Variants in UBE2W observed in about 807,000 individuals in gnomAD.
The protein encoded by UBE2W is ubiquitin conjugating enzyme E2 W.
In UBE2W, 18 loss-of-function variants were observed where a neutral mutation model predicts 27.2. That is an observed-to-expected ratio of 0.66 (90% CI 0.46 to 0.98). UBE2W has a LOEUF of 0.98. UBE2W is among the 50% of genes least tolerant of loss of function. The probability of loss-of-function intolerance (pLI) is 0.00; values close to 1 mark genes in which losing one functional copy is unlikely to be tolerated. For missense variants in UBE2W, 90 were observed against 180.2 expected (o/e 0.50, Z 2.87); for synonymous variants, 53 against 57.2 (o/e 0.93, Z 0.33).
In UBE2W at chr8:73,793,168, A is replaced by G; in HGVS notation, c.*934T>C. On this transcript the variant is annotated 3_prime_UTR_variant, in exon 6 of 6. Coordinates refer to ENST00000602593, the MANE Select transcript of UBE2W (RefSeq NM_018299.6). ...GGGGTTTCCAAACATAAATAAATGA[A>G]ATAGTGTTTAGGCAGTAGGGCTCAT... 3.0e-6 allele frequency: 3 copies of G among 985,846 alleles called. No individual in the cohort carries two copies. The South Asian group carries it at 1.4e-4, about 46-fold the overall frequency. The allele number at this position is 985,846 out of a possible 1,614,324, so 61.1% of individuals were successfully genotyped here. A position where few individuals can be genotyped will look rare whatever the true frequency, so the allele number is the denominator to read the frequency against.
intron 1 of UBE2W, among the ~76,000 whole-genome samples, chr8:73,850,114 T>C (rs1307878724): frequency 6.6e-6 from 1 of 151,992 alleles, no homozygotes; most frequent in Non-Finnish European, 1.5e-5. Flanking sequence ...ATTGAGAAAG[T>C]CAAAAGTTAA....
intron 3 of UBE2W, among the ~76,000 whole-genome samples, chr8:73,817,674 T>A (rs888287427): frequency 6.6e-6 from 1 of 152,140 alleles, no homozygotes. Context: ...CACACCACCA[T>A]GCCCAGCTAA....
chr8:73,809,040 C>T (rs1377894207), intron 4 of UBE2W, among the ~76,000 whole-genome samples: 1 of 152,148 alleles, frequency 6.6e-6, no homozygotes, highest in African/African-American at 2.4e-5. Context: ...ACCGTCTCAC[C>T]TTTCTATAGT....
At position 73,876,738 on chromosome 8, in the gene UBE2W, G is replaced by A. The variant is rs557999927; in HGVS notation, c.15+2070C>T. ...AATCCCAGCACTTTGGGAGGCCAAG[G>A]CAGGCGGATCACCTGAGTTCGGGAG... On this transcript the variant is annotated intron_variant, in intron 1 of 5. Coordinates refer to ENST00000602593, the MANE Select transcript of UBE2W (RefSeq NM_018299.6). 3.3e-3 allele frequency among the ~76,000 whole-genome samples: 506 copies of A among 152,298 alleles called. 2 individuals carry two copies. The highest frequency in any genetic ancestry group is 0.012 in the African/African-American group (482 of 41,538).
chr8:73,860,886 G>C (rs1811508346), intron 1 of UBE2W, among the ~76,000 whole-genome samples: 1 of 152,150 alleles, frequency 6.6e-6, no homozygotes, highest in African/African-American at 2.4e-5. Flanking sequence ...TGTAACCCCA[G>C]CACCTCAGGA....
chr8:73,810,423 T>C, intron 4 of UBE2W, 51 bp downstream of exon 4: 1 of 1,484,930 alleles, frequency 6.7e-7, no homozygotes, highest in East Asian at 2.4e-5. Context: ...ATTATTTATC[T>C]ACCTAACTGA....
intron 5 of UBE2W, among the ~76,000 whole-genome samples, chr8:73,799,033 T>G (rs1228278364): frequency 6.6e-6 from 1 of 152,110 alleles, no homozygotes; most frequent in Non-Finnish European, 1.5e-5. Context: ...AATTTGCATT[T>G]CAAAGCAGGT....
intron 1 of UBE2W, among the ~76,000 whole-genome samples, chr8:73,835,525 C>T (rs1391280839): frequency 6.6e-6 from 1 of 152,122 alleles, no homozygotes; most frequent in Non-Finnish European, 1.5e-5. Context: ...GGTGAATCAC[C>T]TGAGGTCAGG....
Position 73,878,826 on chromosome 8 carries a change from G to GGAACCATCCCCCCAAGACCGGC in UBE2W, c.-26_-5dup. On this transcript the variant is annotated 5_prime_UTR_variant, in exon 1 of 6. The change creates a new upstream start codon in the 5' untranslated region. Transcript: ENST00000602593. ...CTCTCACCTGCATTGACGCCATGATGGAACCATCCCCCCAAGACCGGCGAG... is the reference window on the plus strand; with the variant it reads ...CTCTCACCTGCATTGACGCCATGATGGAACCATCCCCCCAAGACCGGCGAACCATCCCCCCAAGACCGGCGAG... 6.4e-7 allele frequency: 1 copy of GGAACCATCCCCCCAAGACCGGC among 1,550,858 alleles called. No individual in the cohort carries two copies. The highest frequency in any genetic ancestry group is 8.7e-7 in the Non-Finnish European group (1 of 1,146,570).
intron 1 of UBE2W, among the ~76,000 whole-genome samples, chr8:73,855,299 A>G (rs1292837133): frequency 6.6e-6 from 1 of 151,628 alleles, no homozygotes; most frequent in Non-Finnish European, 1.5e-5. Context: ...TTAAGTGGAT[A>G]TTCCCAACAC....
intron 1 of UBE2W, among the ~76,000 whole-genome samples, chr8:73,834,806 G>A (rs1327244351): frequency 6.6e-6 from 1 of 152,190 alleles, no homozygotes; most frequent in African/African-American, 2.4e-5. Context: ...CTACTCGGGA[G>A]GCTGAGGCAC....
chr8:73,874,068 G>A (rs1349772750), intron 1 of UBE2W, among the ~76,000 whole-genome samples: 2 of 152,180 alleles, frequency 1.3e-5, no homozygotes, highest in Non-Finnish European at 2.9e-5. Context: ...TCTAAAATCA[G>A]AAATTATATC....
intron 1 of UBE2W, among the ~76,000 whole-genome samples, chr8:73,861,963 T>C (rs547090454): frequency 2.6e-5 from 4 of 152,378 alleles, no homozygotes; most frequent in African/African-American, 9.6e-5. Context: ...TATAGATCTT[T>C]CCAATCTCGA....
intron 4 of UBE2W, among the ~76,000 whole-genome samples, chr8:73,809,646 C>A (rs2130872002): frequency 6.6e-6 from 1 of 152,202 alleles, no homozygotes; most frequent in South Asian, 2.1e-4. Flanking sequence ...AGTGTAGTGG[C>A]ATGATCTTGG....
chr8:73,843,059 G>C (rs1810612120), intron 1 of UBE2W, among the ~76,000 whole-genome samples: 1 of 152,128 alleles, frequency 6.6e-6, no homozygotes. Flanking sequence ...TGATGTTTTT[G>C]AATGAAGCCA....
chr8:73,844,380 C>T (rs1293949399), intron 1 of UBE2W, among the ~76,000 whole-genome samples: 1 of 152,208 alleles, frequency 6.6e-6, no homozygotes, highest in Admixed American at 6.5e-5. Flanking sequence ...AGCTCCTGAC[C>T]GTGAGTGATC....
intron 5 of UBE2W, among the ~76,000 whole-genome samples, 192 bp downstream of exon 5, chr8:73,805,459 A>AAAAAACAAAAAAC (rs1808842131): frequency 1.5e-5 from 2 of 134,512 alleles, no homozygotes; most frequent in Non-Finnish European, 3.2e-5. Context: ...CATCTCAAAA[A>AAAAAACAAAAAAC]AAAAAAAAAA....
At chr8:73,862,063 C>T (rs1343665642) in intron 1 of UBE2W, among the ~76,000 whole-genome samples, 2 of 152,182 alleles carry the variant, frequency 1.3e-5, no homozygotes, top group African/African-American at 4.8e-5. Flanking sequence ...ACAACTTACC[C>T]AATTTACATA....
downstream of UBE2W, among the ~76,000 whole-genome samples, chr8:73,785,752 G>A (rs1554577831): frequency 6.6e-6 from 1 of 151,578 alleles, no homozygotes; most frequent in Non-Finnish European, 1.5e-5. Context: ...CCACCACGCC[G>A]TTATTTTATT....
Sources: allele counts gnomAD v4.1 joint callset (sites outside exome capture counted in the v4.1 genomes callset), GRCh38; gene constraint gnomAD v4.1.1; transcripts MANE v1.5; gene names NCBI Gene and HGNC (gene_info 2026-07-23, HGNC 2026-07-21).